Variants in MICU2 observed in about 807,000 individuals in gnomAD.
The protein encoded by MICU2 is mitochondrial calcium uptake 2.
Under a neutral mutation model 60.4 loss-of-function variants are expected in MICU2, and 64 were observed. That is an observed-to-expected ratio of 1.06 (90% CI 0.87 to 1.31). The LOEUF (loss-of-function observed/expected upper bound fraction) is 1.31. Ranked by LOEUF, MICU2 falls within the 50% of genes most tolerant of loss-of-function variation. The pLI, the probability that MICU2 is intolerant of heterozygous loss-of-function variation, is 0.00. For synonymous variants in MICU2, 201 were observed against 175.0 expected, an observed-to-expected ratio of 1.15 and a Z score of -1.17; for missense variants, 569 against 531.0, an observed-to-expected ratio of 1.07 and a Z score of -0.70.
At chr13:21,525,290 T>C (rs1886822980) in intron 4 of MICU2, among the ~76,000 whole-genome samples, 1 of 148,714 alleles carries the variant, frequency 6.7e-6, no homozygotes, top group South Asian at 2.2e-4. Context: ...CCTCCCAGGT[T>C]CACGCCATTC....
chr13:21,538,950 T>C (rs1254052165), intron 4 of MICU2, among the ~76,000 whole-genome samples: 1 of 152,132 alleles, frequency 6.6e-6, no homozygotes, highest in Non-Finnish European at 1.5e-5. Flanking sequence ...TTTAACACTT[T>C]CTCTGCTTGG....
At chr13:21,526,683 ATGAT>A (rs1886865378) in intron 4 of MICU2, among the ~76,000 whole-genome samples, 2 of 152,310 alleles carry the variant, frequency 1.3e-5, no homozygotes, top group African/African-American at 2.4e-5. Flanking sequence ...TAAACTTTGA[ATGAT>A]TGGTAAAAAT....
At chr13:21,549,941 G>A (rs896069099) in intron 2 of MICU2, among the ~76,000 whole-genome samples, 1 of 152,122 alleles carries the variant, frequency 6.6e-6, no homozygotes, top group Non-Finnish European at 1.5e-5. Context: ...CCTCAGGCTC[G>A]TGGATGTATG....
In MICU2 at chr13:21,502,936, GACA is replaced by G. The variant is rs762245647; in HGVS notation, c.920_922del (p.Leu307del). 3 of 1,609,960 alleles carry G rather than the reference GACA, an allele frequency of 1.9e-6. No homozygotes were observed. The South Asian group carries it at 3.3e-5, about 18-fold the overall frequency. On this transcript the variant is annotated inframe_deletion, in exon 9 of 12. Coordinates refer to ENST00000382374, the MANE Select transcript of MICU2 (RefSeq NM_152726.3). ...AAAGGGTATACCAACCTCTCCTGCT[GACA>G]ACTTCTCTCTCACATTTTTCCAATA...
chr13:21,531,126 T>C (rs1886987549), intron 4 of MICU2: 2 of 916,790 alleles, frequency 2.2e-6, no homozygotes, highest in South Asian at 2.6e-5. Flanking sequence ...CCTAATTGCC[T>C]TTCTTGTGGT....
Position 21,593,571 on chromosome 13 carries a change from CAAAAA to C in MICU2, c.210+10363_210+10367del, listed in dbSNP as rs71093338. Among the ~76,000 whole-genome samples the C allele has an allele frequency of 1.7e-4, 11 of 63,036 alleles. No individual in the cohort carries two copies. In the East Asian group the frequency reaches 5.1e-3, roughly 29 times the overall value. 41.4% of individuals were successfully genotyped at this position (63,036 alleles called of 152,430 possible). On this transcript the variant is annotated intron_variant, in intron 1 of 11. Transcript: ENST00000382374. Reference sequence around the variant, plus strand: ...CCCATATTGCAAAGACAATCCTAAGCAAAAAAAAAAAAAAAAAAAAAAACAAAGCT... The same window carrying C: ...CCCATATTGCAAAGACAATCCTAAGCAAAAAAAAAAAAAAAAAACAAAGCT...
intron 1 of MICU2, among the ~76,000 whole-genome samples, chr13:21,602,179 T>C (rs1369662349): frequency 1.4e-4 from 21 of 150,722 alleles, no homozygotes; most frequent in Admixed American, 1.4e-3. Flanking sequence ...AAGGGTACAC[T>C]GTGTGGTTAA....
chr13:21,537,384 G>T (rs1311952224), intron 4 of MICU2, among the ~76,000 whole-genome samples: 1 of 151,722 alleles, frequency 6.6e-6, no homozygotes, highest in African/African-American at 2.4e-5. Flanking sequence ...TCTCTCATCA[G>T]TTCTTTTTCC....
At chr13:21,514,166 T>C (rs1334350744) in intron 7 of MICU2, among the ~76,000 whole-genome samples, 187 bp downstream of exon 7, 4 of 152,206 alleles carry the variant, frequency 2.6e-5, no homozygotes, top group East Asian at 3.8e-4. Flanking sequence ...CCATAAAGTA[T>C]AGCCTATTGT....
intron 2 of MICU2, among the ~76,000 whole-genome samples, chr13:21,544,344 AGAT>A (rs1845629779): frequency 6.6e-6 from 1 of 152,118 alleles, no homozygotes; most frequent in South Asian, 2.1e-4. Flanking sequence ...TAAATTAGTG[AGAT>A]GATGTAAAAC....
chr13:21,494,180 AAAT>A (rs2138123854), intron 11 of MICU2, among the ~76,000 whole-genome samples: 1 of 152,326 alleles, frequency 6.6e-6, no homozygotes, highest in South Asian at 2.1e-4. Context: ...TTGCTAATGA[AAAT>A]AATATTTATT....
intron 7 of MICU2, among the ~76,000 whole-genome samples, chr13:21,511,017 G>A (rs1886416085): frequency 6.6e-6 from 1 of 152,122 alleles, no homozygotes; most frequent in African/African-American, 2.4e-5. Context: ...CTTCTTTCAG[G>A]GCACTATGTT....
rs1425127852 is a variant in MICU2, at chr13:21,591,099, A to T, written c.210+12840T>A. On this transcript the variant is annotated intron_variant, in intron 1 of 11. Transcript: ENST00000382374. ...AAAGACACAGACTGGCAAATTGAAT[A>T]AAGAGTCAAGACTCATCGGTGTGTT... is the stretch of plus-strand genomic sequence containing the variant. Among the ~76,000 whole-genome samples, 3 of 150,562 alleles carry T rather than the reference A, an allele frequency of 2.0e-5. No individual in the cohort carries two copies. In the Admixed American group the frequency reaches 2.2e-4, roughly 11 times the overall value.
At chr13:21,512,939 T>A (rs1417998859) in intron 7 of MICU2, among the ~76,000 whole-genome samples, 1 of 152,166 alleles carries the variant, frequency 6.6e-6, no homozygotes, top group East Asian at 1.9e-4. Flanking sequence ...CACATAGATA[T>A]CCAGTTGTAC....
intron 1 of MICU2, among the ~76,000 whole-genome samples, chr13:21,570,927 A>G (rs186358539): frequency 1.6e-3 from 244 of 152,348 alleles, no homozygotes; most frequent in African/African-American, 5.6e-3. Context: ...TAACTTGAAC[A>G]ACTAAAAACA....
At chr13:21,513,484 T>G (rs1278486713) in intron 7 of MICU2, among the ~76,000 whole-genome samples, 2 of 152,072 alleles carry the variant, frequency 1.3e-5, no homozygotes, top group African/African-American at 4.8e-5. Context: ...ACACCTGTAA[T>G]CCCAGCAATT....
At chr13:21,502,273 T>C (rs1886193840) in intron 9 of MICU2, among the ~76,000 whole-genome samples, 1 of 152,212 alleles carries the variant, frequency 6.6e-6, no homozygotes, top group Non-Finnish European at 1.5e-5. Flanking sequence ...TTACATAAAA[T>C]ACATGTCCAT....
chr13:21,540,297 A>T (rs1230250384), intron 2 of MICU2, among the ~76,000 whole-genome samples: 1 of 117,930 alleles, frequency 8.5e-6, no homozygotes, highest in Non-Finnish European at 2.0e-5. Context: ...AAGCTATTAC[A>T]TTGTTTCTTT....
intron 10 of MICU2, 165 bp from the exon 11 acceptor site, chr13:21,495,483 C>A: frequency 1.6e-6 from 1 of 606,700 alleles, no homozygotes; most frequent in Non-Finnish European, 2.7e-6. Flanking sequence ...AACCATAAGC[C>A]GACGAATGTC....
Sources: gnomAD v4.1 joint callset for allele counts (sites outside exome capture counted in the v4.1 genomes callset) on GRCh38, gnomAD v4.1.1 for gene constraint, MANE v1.5 for transcripts, NCBI Gene and HGNC (gene_info 2026-07-23, HGNC 2026-07-21) for gene names.